WWOX: variants seen among roughly 807,000 people sequenced by gnomAD.
WWOX encodes WW domain-containing oxidoreductase.
A neutral mutation model predicts 46.2 loss-of-function variants in WWOX; 69 were observed. The observed-to-expected ratio is 1.49, with a 90% CI of 1.23 to 1.82. The LOEUF is 1.82. Among genes scored for constraint, WWOX ranks in the 40% most tolerant of loss-of-function variants. The pLI is 0.00. For missense variants in WWOX, 919 were observed against 542.6 expected, an observed-to-expected ratio of 1.69 and a Z score of -6.89; for synonymous variants, 359 against 202.6, an observed-to-expected ratio of 1.77 and a Z score of -6.56.
rs79133503 is a variant in WWOX, at chr16:78,394,076, C to G, written c.605+7128C>G. ...TGGGCTATAAATTATAAATAAATTC[C>G]AAATTTTGTGGGATGAATTACCCTG... On this transcript the variant is annotated intron_variant, in intron 6 of 8. Coordinates refer to ENST00000566780, the MANE Select transcript of WWOX (RefSeq NM_016373.4). 1.8e-4 allele frequency among the ~76,000 whole-genome samples: 28 copies of G among 152,138 alleles called. No individual in the cohort carries two copies. In the East Asian group the frequency reaches 5.4e-3, roughly 29 times the overall value.
intron 8 of WWOX, among the ~76,000 whole-genome samples, chr16:79,028,039 C>T (rs752185242): frequency 2.0e-5 from 3 of 151,804 alleles, no homozygotes; most frequent in Non-Finnish European, 4.4e-5. Context: ...GCCAGCTCTG[C>T]CTCCTGGGTT....
chr16:78,230,133 G>C (rs1050998418), intron 5 of WWOX, among the ~76,000 whole-genome samples: 1 of 150,674 alleles, frequency 6.6e-6, no homozygotes, highest in Non-Finnish European at 1.5e-5. Flanking sequence ...TCCCACCTCG[G>C]CCTCCCAAAG....
chr16:78,529,751 G>C lies in WWOX; in HGVS notation c.1056+96999G>C, dbSNP rs139695954. Among the ~76,000 whole-genome samples the C allele has an allele frequency of 9.2e-5, 14 of 152,208 alleles. No individual in the cohort carries two copies. In the East Asian group the frequency reaches 2.3e-3, roughly 25 times the overall value. On this transcript the variant is annotated intron_variant, in intron 8 of 8. Coordinates refer to ENST00000566780, the MANE Select transcript of WWOX (RefSeq NM_016373.4). Reference sequence around the variant, plus strand: ...CAAAGTGCTGGGATTATAGGTGTGAGCCACCATGCCCAGCCCTCAGAGTGT... The same window carrying C: ...CAAAGTGCTGGGATTATAGGTGTGACCCACCATGCCCAGCCCTCAGAGTGT...
intron 8 of WWOX, among the ~76,000 whole-genome samples, chr16:78,835,604 A>G (rs2051957210): frequency 6.6e-6 from 1 of 152,176 alleles, no homozygotes; most frequent in Non-Finnish European, 1.5e-5. Context: ...TATTGGCTAG[A>G]TCAGTTATTA....
chr16:79,035,844 C>G (rs1353022426), intron 8 of WWOX, among the ~76,000 whole-genome samples: 1 of 152,226 alleles, frequency 6.6e-6, no homozygotes, highest in Non-Finnish European at 1.5e-5. Context: ...GGGATCCTGC[C>G]TCTGCCTCCC....
At chr16:78,807,315 G>A (rs918801952) in intron 8 of WWOX, among the ~76,000 whole-genome samples, 1 of 152,212 alleles carries the variant, frequency 6.6e-6, no homozygotes, top group African/African-American at 2.4e-5. Flanking sequence ...ACTTAAAAGT[G>A]TTTACAGATG....
At chr16:78,473,684 C>G (rs969910001) in intron 8 of WWOX, among the ~76,000 whole-genome samples, 5 of 152,092 alleles carry the variant, frequency 3.3e-5, no homozygotes, top group African/African-American at 9.7e-5. Context: ...TTGTCTTAAA[C>G]AAGTCCCAAC....
chr16:78,776,091 C>A (rs1242200825), intron 8 of WWOX, among the ~76,000 whole-genome samples: 1 of 152,214 alleles, frequency 6.6e-6, no homozygotes, highest in Non-Finnish European at 1.5e-5. Flanking sequence ...CTTATTCCAA[C>A]TTCCAAACTT....
At chr16:78,556,261 T>TA (rs879764844) in intron 8 of WWOX, among the ~76,000 whole-genome samples, 3,337 of 126,854 alleles carry the variant, frequency 0.026, 40 homozygotes, top group African/African-American at 0.043. Context: ...CCTCCTCCTC[T>TA]AAAAAAAAAA....
chr16:78,790,500 A>C (rs1264941486), intron 8 of WWOX, among the ~76,000 whole-genome samples: 1 of 152,202 alleles, frequency 6.6e-6, no homozygotes, highest in African/African-American at 2.4e-5. Flanking sequence ...CAGAAGGTCT[A>C]CCTACAACTT....
At chr16:79,056,966 C>G (rs2048274492) in intron 8 of WWOX, among the ~76,000 whole-genome samples, 1 of 152,176 alleles carries the variant, frequency 6.6e-6, no homozygotes, top group Non-Finnish European at 1.5e-5. Flanking sequence ...TATTTATTAT[C>G]TATCACTTTT....
intron 8 of WWOX, among the ~76,000 whole-genome samples, chr16:79,185,510 T>C (rs1433369987): frequency 7.0e-6 from 1 of 142,896 alleles, no homozygotes; most frequent in Non-Finnish European, 1.5e-5. Context: ...TCCTGCCCCC[T>C]GGCCAGCCAA....
At chr16:78,932,095 C>G (rs1349731296) in intron 8 of WWOX, among the ~76,000 whole-genome samples, 1 of 152,210 alleles carries the variant, frequency 6.6e-6, no homozygotes, top group Non-Finnish European at 1.5e-5. Flanking sequence ...TTATAAATTA[C>G]TCAGTCTCAG....
At chr16:78,665,174 G>T (rs577760257) in intron 8 of WWOX, among the ~76,000 whole-genome samples, 2 of 152,140 alleles carry the variant, frequency 1.3e-5, no homozygotes, top group African/African-American at 4.8e-5. Context: ...GGAGTAGGGA[G>T]CTGTGATGAC....
intron 5 of WWOX, among the ~76,000 whole-genome samples, chr16:78,357,925 C>T (rs764661320): frequency 3.0e-4 from 46 of 152,150 alleles, no homozygotes; most frequent in Admixed American, 2.8e-3. Flanking sequence ...AAGCGGTGGA[C>T]GCATTGAGTA....
chr16:79,152,848 C>G (rs1039716222), intron 8 of WWOX, among the ~76,000 whole-genome samples: 3 of 152,088 alleles, frequency 2.0e-5, no homozygotes, highest in Non-Finnish European at 4.4e-5. Flanking sequence ...AGCTTGTGAG[C>G]TCACTCCCTG....
chr16:78,372,567 C>G (rs1021507424), intron 5 of WWOX, among the ~76,000 whole-genome samples: 1 of 152,148 alleles, frequency 6.6e-6, no homozygotes, highest in Admixed American at 6.5e-5. Flanking sequence ...AGTGCCCTGT[C>G]CATTATCCTC....
In WWOX at chr16:78,846,210, T is replaced by C. The variant is rs185391252; in HGVS notation, c.1057-365398T>C. ...AATACTGCAAAGATTTCCCATGTAC[T>C]CTTCACTCAGCTTCCCCTAATACTA... is the stretch of plus-strand genomic sequence containing the variant. On this transcript the variant is annotated intron_variant, in intron 8 of 8. Coordinates refer to ENST00000566780, the MANE Select transcript of WWOX (RefSeq NM_016373.4). 3.9e-5 allele frequency among the ~76,000 whole-genome samples: 6 copies of C among 152,346 alleles called. No homozygotes were observed. The East Asian group carries it at 1.2e-3, about 29-fold the overall frequency.
intron 8 of WWOX, among the ~76,000 whole-genome samples, chr16:78,534,928 G>A (rs2043722109): frequency 6.6e-6 from 1 of 151,974 alleles, no homozygotes; most frequent in Non-Finnish European, 1.5e-5. Flanking sequence ...TGGCCGGGAT[G>A]GTCTCGATGT....
Sources: gnomAD v4.1 joint callset for allele counts (sites outside exome capture counted in the v4.1 genomes callset) on GRCh38, gnomAD v4.1.1 for gene constraint, MANE v1.5 for transcripts, NCBI Gene and HGNC (gene_info 2026-07-23, HGNC 2026-07-21) for gene names.